Variants in NPHS1 observed in about 807,000 individuals in gnomAD.
NPHS1 encodes the protein nephrin.
A neutral mutation model predicts 139.7 loss-of-function variants in NPHS1; 107 were observed. That is an observed-to-expected ratio of 0.77 (90% CI 0.66 to 0.90). The LOEUF (loss-of-function observed/expected upper bound fraction) is 0.90, where lower values mean the gene tolerates loss of function less well. Among genes scored for constraint, NPHS1 ranks in the 40% least tolerant of loss-of-function variants. The probability of loss-of-function intolerance (pLI) is 0.00; values close to 1 mark genes in which losing one functional copy is unlikely to be tolerated. For synonymous variants in NPHS1, 707 were observed against 706.6 expected, an observed-to-expected ratio of 1.00 and a Z score of -0.01; for missense variants, 1,580 against 1,654.2, an observed-to-expected ratio of 0.96 and a Z score of 0.78.
chr19:35,841,168 C>G (rs1973050265), intron 20 of NPHS1, among the ~76,000 whole-genome samples: 1 of 151,748 alleles, frequency 6.6e-6, no homozygotes, highest in Non-Finnish European at 1.5e-5. Flanking sequence ...CACCTGAGGT[C>G]AGGAGACCAG....
At position 35,844,133 on chromosome 19, in the gene NPHS1, C is replaced by A. The variant is rs1220280879; in HGVS notation, c.2182G>T (p.Ala728Ser). ...QLHCQNSEGT[A>S]EARLRLDVHY... Reference sequence around the variant, plus strand: ...ACGTCCAGCCGCAGCCGCGCTTCCGCGGTGCCCTCAGAGTTCTGGCAGTGC... The same window carrying A: ...ACGTCCAGCCGCAGCCGCGCTTCCGAGGTGCCCTCAGAGTTCTGGCAGTGC... The change falls in exon 16 of 29, where the codon GCG becomes TCG. Residue 728 changes from alanine (A) to serine (S), a missense_variant. Transcript: ENST00000378910. 2 of 1,609,074 alleles carry A rather than the reference C, an allele frequency of 1.2e-6. No homozygotes were observed. Among genetic ancestry groups the A allele is most frequent in the African/African-American group, 2.7e-5 (2 of 75,020 alleles).
In NPHS1 at chr19:35,849,658, G is replaced by T; in HGVS notation, c.609-5C>A. 6.2e-7 allele frequency: 1 copy of T among 1,603,034 alleles called. No homozygotes were observed. Among genetic ancestry groups the T allele is most frequent in the Non-Finnish European group, 8.5e-7 (1 of 1,170,130 alleles). On this transcript the variant is annotated splice_polypyrimidine_tract_variant and splice_region_variant and intron_variant, in intron 5 of 28. Coordinates refer to ENST00000378910, the MANE Select transcript of NPHS1 (RefSeq NM_004646.4). Reference sequence around the variant, plus strand: ...TCTGAGCTCCGGGGTGTCACCCTGGGATGAGAAGTCAGGGTTATAGAGTCA... The same window carrying T: ...TCTGAGCTCCGGGGTGTCACCCTGGTATGAGAAGTCAGGGTTATAGAGTCA...
intron 28 of NPHS1, among the ~76,000 whole-genome samples, chr19:35,830,610 T>C (rs1972863461): frequency 6.6e-6 from 1 of 152,194 alleles, no homozygotes; most frequent in Non-Finnish European, 1.5e-5. Flanking sequence ...CAAGTCACTA[T>C]ATTGCCCAGG....
chr19:35,843,791 ATAAT>A (rs2146821367), intron 16 of NPHS1, 198 bp from the exon 17 acceptor site: 1 of 687,484 alleles, frequency 1.5e-6, no homozygotes, highest in East Asian at 2.7e-5. Flanking sequence ...TGCCTCTGTG[ATAAT>A]TAGAGTGAGT....
intron 28 of NPHS1, among the ~76,000 whole-genome samples, chr19:35,828,234 A>G (rs1972824618): frequency 6.6e-6 from 1 of 152,162 alleles, no homozygotes; most frequent in Non-Finnish European, 1.5e-5. Context: ...TATACTGCCC[A>G]AGAGCTAAGA....
chr19:35,837,847 C>G (rs1456947565), intron 22 of NPHS1, among the ~76,000 whole-genome samples: 1 of 151,398 alleles, frequency 6.6e-6, no homozygotes, highest in Non-Finnish European at 1.5e-5. Flanking sequence ...AGTAATACAC[C>G]CGCCTTGGCC....
In NPHS1 at chr19:35,841,083, T is replaced by G. The variant is rs139115211; in HGVS notation, c.2815+632A>C. Among the ~76,000 whole-genome samples, 333 of 151,622 alleles carry G rather than the reference T, an allele frequency of 2.2e-3. 1 individual carries two copies. Among genetic ancestry groups the G allele is most frequent in the Non-Finnish European group, 3.0e-3 (207 of 67,904 alleles). ...TTAGAATAAAGCCAACACAGAGACA[T>G]GCAGACGTAAGAATGAAGAGGGCTG... On this transcript the variant is annotated intron_variant, in intron 20 of 28. Transcript: ENST00000378910.
In NPHS1 at chr19:35,845,809, G is replaced by A. The variant is rs1973131687; in HGVS notation, c.1628-11C>T. 1 of 1,611,138 alleles carries A rather than the reference G, an allele frequency of 6.2e-7. No homozygotes were observed. The highest frequency in any genetic ancestry group is 8.5e-7 in the Non-Finnish European group (1 of 1,177,866). ...CGTTAGTTGGGGGAACTGGGAGACG[G>A]GGTTGGAGGAGCGAGACTCAGAGGT... On this transcript the variant is annotated splice_polypyrimidine_tract_variant and intron_variant, in intron 12 of 28. Transcript: ENST00000378910. This position sits in a 1 kb window ranked among gnomAD's most constrained non-coding sequence, Gnocchi z 5.5.
chr19:35,838,919 C>T (rs1326208404), intron 22 of NPHS1, among the ~76,000 whole-genome samples: 2 of 151,972 alleles, frequency 1.3e-5, no homozygotes, highest in African/African-American at 2.4e-5. Context: ...CTATAAATTT[C>T]CCTCTAAGTA....
intron 4 of NPHS1, among the ~76,000 whole-genome samples, chr19:35,850,668 T>C (rs1187074261): frequency 6.6e-6 from 1 of 152,110 alleles, no homozygotes; most frequent in Non-Finnish European, 1.5e-5. Context: ...CTCAACTCCT[T>C]GCTGGGTTGT....
Position 35,851,201 on chromosome 19 carries a change from T to C in NPHS1, c.397+61A>G, listed in dbSNP as rs412175. The C allele has an allele frequency of 0.064, 103,750 of 1,613,132 alleles. 9,714 individuals carry two copies. The highest frequency in any genetic ancestry group is 0.45 in the African/African-American group (33,372 of 74,868). On this transcript the variant is annotated intron_variant, in intron 3 of 28. Transcript: ENST00000378910. ...AGGCTGGGGGCTTGGACTTCCGGGT[T>C]GCGGGGTAGGGGAGGGCTTGAAGCC...
At chr19:35,847,636 G>A (rs1038106268) in intron 11 of NPHS1, among the ~76,000 whole-genome samples, 2 of 149,580 alleles carry the variant, frequency 1.3e-5, no homozygotes, top group Admixed American at 6.7e-5. Flanking sequence ...GATTACAGGC[G>A]TGAGCCACTG....
At position 35,849,366 on chromosome 19, in the gene NPHS1, G is replaced by A. The variant is rs1973194775; in HGVS notation, c.713-3C>T. On this transcript the variant is annotated splice_region_variant and splice_polypyrimidine_tract_variant and intron_variant, in intron 6 of 28. Coordinates refer to ENST00000378910, the MANE Select transcript of NPHS1 (RefSeq NM_004646.4). ...GATGACAGGGGGTCCTGGAGGGACT[G>A]GGGGATATCAGTCACTCAGTGGGCC... 1 of 1,610,670 alleles carries A rather than the reference G, an allele frequency of 6.2e-7. No individual in the cohort carries two copies.
intron 23 of NPHS1, among the ~76,000 whole-genome samples, chr19:35,833,926 G>A (rs970785968): frequency 1.1e-4 from 17 of 152,010 alleles, no homozygotes; most frequent in Admixed American, 5.3e-4. Flanking sequence ...TGTCTCCAAC[G>A]TCTGGGCTCA....
At chr19:35,833,114 G>GA (rs1972906644) in intron 23 of NPHS1, among the ~76,000 whole-genome samples, 1 of 148,934 alleles carries the variant, frequency 6.7e-6, no homozygotes, top group Non-Finnish European at 1.5e-5. Flanking sequence ...GGCTGTTCTT[G>GA]AACTCCTGGC....
At chr19:35,844,896 A>C (rs746210557) in intron 14 of NPHS1, among the ~76,000 whole-genome samples, 58 of 152,214 alleles carry the variant, frequency 3.8e-4, no homozygotes, top group Non-Finnish European at 5.9e-4. Context: ...AGGCCAAGGC[A>C]GGAGGATCAC....
In NPHS1 at chr19:35,848,389, A is replaced by G. The variant is rs372900073; in HGVS notation, c.1179T>C (p.His393=). ...PMEETVMDGL[H]GGHISMSNLT... ...GGTTGGACATGGAGATGTGACCGCC[A>G]TGCAGTCCCTGGCAGGGAGTGAGCT... is the stretch of plus-strand genomic sequence containing the variant. Residue 393 remains histidine, a synonymous_variant, in exon 10 of 29, where the codon CAT becomes CAC. Transcript: ENST00000378910. 1 of 1,614,122 alleles carries G rather than the reference A, an allele frequency of 6.2e-7. No homozygotes were observed. Among genetic ancestry groups the G allele is most frequent in the Non-Finnish European group, 8.5e-7 (1 of 1,180,002 alleles).
chr19:35,843,966 G>T, intron 16 of NPHS1, 137 bp downstream of exon 16: 1 of 1,256,830 alleles, frequency 8.0e-7, no homozygotes, highest in Non-Finnish European at 1.1e-6. Flanking sequence ...TGGTTACACC[G>T]CGGCTGGGAC....
In NPHS1 at chr19:35,834,954, T is replaced by C. The variant is rs369285981; in HGVS notation, c.3166+751A>G. On this transcript the variant is annotated intron_variant, in intron 23 of 28. Transcript: ENST00000378910. ...AGCTCATGCCTGTTATCCCAGCACTTTGGGAAGCTGAGGCAGGCAGATCAC... is the reference window on the plus strand; with the variant it reads ...AGCTCATGCCTGTTATCCCAGCACTCTGGGAAGCTGAGGCAGGCAGATCAC... 5.7e-4 allele frequency among the ~76,000 whole-genome samples: 86 copies of C among 151,418 alleles called. 1 individual carries two copies. Among genetic ancestry groups the C allele is most frequent in the African/African-American group, 2.0e-3 (81 of 41,314 alleles).
Sources: gnomAD v4.1 joint callset for allele counts (sites outside exome capture counted in the v4.1 genomes callset) on GRCh38, gnomAD v4.1.1 for gene constraint, Gnocchi (gnomAD v3.1) non-coding constraint, MANE v1.5 for transcripts, NCBI Gene and HGNC (gene_info 2026-07-23, HGNC 2026-07-21) for gene names.